The following ATP8A2 variants were observed in gnomAD, a reference collection of about 807,000 sequenced individuals.
ATP8A2 encodes the protein phospholipid-transporting ATPase IB.
In ATP8A2, 100 loss-of-function variants were observed where a neutral mutation model predicts 165.6. That is an observed-to-expected ratio of 0.60 (90% CI 0.51 to 0.71). The LOEUF (loss-of-function observed/expected upper bound fraction) is 0.71. Ranked by LOEUF, ATP8A2 falls within the 30% of genes least tolerant of loss-of-function variation. The pLI, the probability that ATP8A2 is intolerant of heterozygous loss-of-function variation, is 0.00. For synonymous variants in ATP8A2, 543 were observed against 548.8 expected (o/e 0.99, Z 0.15); for missense variants, 1,227 against 1,479.5 (o/e 0.83, Z 2.80).
chr13:26,015,725 G>T (rs7329486), intron 36 of ATP8A2, among the ~76,000 whole-genome samples: 18 of 152,278 alleles, frequency 1.2e-4, no homozygotes, highest in Non-Finnish European at 2.6e-4. Flanking sequence ...GGCTGTGGCT[G>T]TTTAAGAAAG....
chr13:25,794,909 C>A (rs1178849244), intron 27 of ATP8A2, among the ~76,000 whole-genome samples: 1 of 150,858 alleles, frequency 6.6e-6, no homozygotes, highest in African/African-American at 2.4e-5. Context: ...TTCTTGTAAT[C>A]ATTTTTATGG....
At chr13:25,703,462 A>G (rs751669196) in intron 25 of ATP8A2, among the ~76,000 whole-genome samples, 52 of 152,212 alleles carry the variant, frequency 3.4e-4, no homozygotes, top group Non-Finnish European at 6.0e-4. Context: ...TTAGGTAGGT[A>G]TACACCCAAA....
intron 2 of ATP8A2, among the ~76,000 whole-genome samples, chr13:25,474,872 C>G (rs2035949818): frequency 6.6e-6 from 1 of 151,520 alleles, no homozygotes; most frequent in South Asian, 2.1e-4. Flanking sequence ...ATTCTGTCGC[C>G]CAGGCTGGAG....
intron 36 of ATP8A2, among the ~76,000 whole-genome samples, chr13:26,019,466 G>A (rs765943779): frequency 2.6e-5 from 4 of 152,216 alleles, no homozygotes; most frequent in Non-Finnish European, 5.9e-5. Context: ...TGTTGTGTGT[G>A]TGTTTCCCTG....
intron 33 of ATP8A2, among the ~76,000 whole-genome samples, chr13:25,946,727 G>T (rs1179848344): frequency 1.4e-5 from 2 of 139,986 alleles, no homozygotes; most frequent in Non-Finnish European, 3.1e-5. Context: ...CAAATGTATT[G>T]TGAAAATGTT....
intron 25 of ATP8A2, among the ~76,000 whole-genome samples, chr13:25,717,997 A>G (rs2043292071): frequency 6.6e-6 from 1 of 152,226 alleles, no homozygotes; most frequent in African/African-American, 2.4e-5. Context: ...ACAATCTCCT[A>G]TGCAAGTCCC....
chr13:25,609,116 A>AT (rs889696316), intron 24 of ATP8A2, among the ~76,000 whole-genome samples: 1 of 152,172 alleles, frequency 6.6e-6, no homozygotes, highest in African/African-American at 2.4e-5. Context: ...ACAATTTAAA[A>AT]TGTTAATAAA....
chr13:25,597,294 A>G (rs1343728588), intron 24 of ATP8A2, among the ~76,000 whole-genome samples: 2 of 152,136 alleles, frequency 1.3e-5, no homozygotes, highest in Non-Finnish European at 2.9e-5. Context: ...TGGTGTCTAC[A>G]CCTTTGCCTA....
intron 25 of ATP8A2, among the ~76,000 whole-genome samples, chr13:25,700,849 T>C (rs943955292): frequency 2.6e-5 from 4 of 152,230 alleles, no homozygotes; most frequent in African/African-American, 9.6e-5. Flanking sequence ...AGTTCCTCCA[T>C]ATCCATGCTA....
intron 24 of ATP8A2, among the ~76,000 whole-genome samples, chr13:25,631,971 G>C (rs1211675395): frequency 6.6e-6 from 1 of 152,046 alleles, no homozygotes; most frequent in South Asian, 2.1e-4. Context: ...TAAGGGCTCA[G>C]CCCCACAAGG....
intron 2 of ATP8A2, among the ~76,000 whole-genome samples, chr13:25,492,484 C>T (rs74042968): frequency 0.027 from 4,099 of 152,248 alleles, 193 homozygotes; most frequent in African/African-American, 0.093. Flanking sequence ...AAAAAATTCT[C>T]TTGGTGTGAA....
intron 36 of ATP8A2, among the ~76,000 whole-genome samples, chr13:26,018,726 G>A (rs539565138): frequency 2.4e-4 from 37 of 152,302 alleles, no homozygotes; most frequent in Non-Finnish European, 5.4e-4. Flanking sequence ...CTCAGCTCTA[G>A]AGTGTGGACC....
chr13:25,721,398 G>A lies in ATP8A2; in HGVS notation c.2384+22053G>A, dbSNP rs547352844. On this transcript the variant is annotated intron_variant, in intron 25 of 36. Coordinates refer to ENST00000381655, the MANE Select transcript of ATP8A2 (RefSeq NM_016529.6). ...TTGTCTGTTTTTGCTTTGGTTGCCT[G>A]ACTCTGAGGTCTTACTCAAAAATCT... is the stretch of plus-strand genomic sequence containing the variant. Among the ~76,000 whole-genome samples, 33 of 152,254 alleles carry A rather than the reference G, an allele frequency of 2.2e-4. No individual in the cohort carries two copies. The South Asian group carries it at 6.4e-3, about 30-fold the overall frequency.
chr13:25,734,403 T>C (rs1318292747), intron 25 of ATP8A2, among the ~76,000 whole-genome samples: 2 of 152,286 alleles, frequency 1.3e-5, no homozygotes. Flanking sequence ...AGGAAGTGAG[T>C]AGTGAACTGA....
chr13:25,686,123 G>A (rs554969767), intron 24 of ATP8A2, among the ~76,000 whole-genome samples: 2 of 152,222 alleles, frequency 1.3e-5, no homozygotes, highest in Non-Finnish European at 2.9e-5. Flanking sequence ...TCTGGGTGGT[G>A]TTCCATAACT....
intron 24 of ATP8A2, among the ~76,000 whole-genome samples, chr13:25,646,148 C>T (rs1234002860): frequency 6.6e-6 from 1 of 152,068 alleles, no homozygotes; most frequent in Non-Finnish European, 1.5e-5. Flanking sequence ...GAATTGAACC[C>T]ATTGTTATTA....
intron 25 of ATP8A2, among the ~76,000 whole-genome samples, chr13:25,719,888 G>C (rs375987515): frequency 1.2e-3 from 183 of 152,256 alleles, no homozygotes; most frequent in African/African-American, 4.2e-3. Flanking sequence ...CCCATGCTTG[G>C]AGGCAATGTA....
intron 1 of ATP8A2, among the ~76,000 whole-genome samples, chr13:25,430,436 G>A (rs551063191): frequency 5.5e-4 from 83 of 152,244 alleles, no homozygotes; most frequent in Admixed American, 3.5e-3. Flanking sequence ...GGTTGTGCAC[G>A]GCTGGATTTG....
chr13:25,530,149 G>T (rs771965838), intron 3 of ATP8A2, 51 bp downstream of exon 3: 13 of 1,193,810 alleles, frequency 1.1e-5, no homozygotes, highest in South Asian at 2.5e-5. Context: ...CATGTAAAAT[G>T]AGATTTTGCT....
Sources: allele counts gnomAD v4.1 joint callset (sites outside exome capture counted in the v4.1 genomes callset), GRCh38; gene constraint gnomAD v4.1.1; transcripts MANE v1.5; gene names NCBI Gene and HGNC (gene_info 2026-07-23, HGNC 2026-07-21).